The following MARCHF1 variants were observed in gnomAD, a reference collection of about 807,000 sequenced individuals.
MARCHF1 encodes E3 ubiquitin-protein ligase MARCHF1.
MARCHF1 carries 40 observed loss-of-function variants against 54.2 expected under a neutral mutation model. The observed-to-expected ratio is 0.74, with a 90% CI of 0.57 to 0.96. The LOEUF (loss-of-function observed/expected upper bound fraction) is 0.96. Among genes scored for constraint, MARCHF1 ranks in the 40% least tolerant of loss-of-function variants. The pLI, the probability that MARCHF1 is intolerant of heterozygous loss-of-function variation, is 0.00. For missense variants in MARCHF1, 586 were observed against 656.5 expected (o/e 0.89, Z 1.17); for synonymous variants, 236 against 236.3 (o/e 1.00, Z 0.01).
At chr4:163,908,060 T>C (rs1751109913) in intron 3 of MARCHF1, among the ~76,000 whole-genome samples, 1 of 152,176 alleles carries the variant, frequency 6.6e-6, no homozygotes, top group African/African-American at 2.4e-5. Flanking sequence ...GAAGTTGGCA[T>C]GCATATGAGA....
At chr4:163,834,683 A>C (rs566035446) in intron 4 of MARCHF1, among the ~76,000 whole-genome samples, 5 of 144,314 alleles carry the variant, frequency 3.5e-5, no homozygotes, top group Non-Finnish European at 6.0e-5. Flanking sequence ...CATTCTCAGT[A>C]AACTATCGCA....
intron 2 of MARCHF1, among the ~76,000 whole-genome samples, chr4:164,072,471 G>A (rs139952579): frequency 0.012 from 1,871 of 152,172 alleles, 37 homozygotes; most frequent in African/African-American, 0.043. Context: ...TGAGGCGGGA[G>A]GATCACCTGA....
intron 3 of MARCHF1, among the ~76,000 whole-genome samples, chr4:163,950,292 A>G (rs1752108536): frequency 6.6e-6 from 1 of 152,192 alleles, no homozygotes; most frequent in South Asian, 2.1e-4. Context: ...ATCAGTGCCC[A>G]AAGTCCAGAG....
chr4:164,005,193 T>G (rs1159078638), intron 2 of MARCHF1, among the ~76,000 whole-genome samples: 1 of 152,038 alleles, frequency 6.6e-6, no homozygotes, highest in East Asian at 1.9e-4. Flanking sequence ...TCATTAAAAT[T>G]GAAAAATTAG....
intron 2 of MARCHF1, among the ~76,000 whole-genome samples, chr4:164,079,717 TTGTC>T (rs1407132575): frequency 3.3e-5 from 5 of 152,276 alleles, no homozygotes; most frequent in Non-Finnish European, 5.9e-5. Context: ...TTTTATCTAC[TTGTC>T]TATTTCTATT....
chr4:164,288,790 G>A (rs970880929), intron 1 of MARCHF1, among the ~76,000 whole-genome samples: 3 of 151,910 alleles, frequency 2.0e-5, no homozygotes, highest in Non-Finnish European at 2.9e-5. Flanking sequence ...TTTGAAACAC[G>A]GGGAAAAAAA....
chr4:164,071,951 A>T (rs1161826018), intron 2 of MARCHF1, among the ~76,000 whole-genome samples: 1 of 152,210 alleles, frequency 6.6e-6, no homozygotes, highest in Non-Finnish European at 1.5e-5. Flanking sequence ...TAGTGCAGCA[A>T]AAAAGTAGAA....
intron 1 of MARCHF1, among the ~76,000 whole-genome samples, chr4:164,177,516 AT>A (rs11317629): frequency 0.91 from 137,593 of 150,932 alleles, 62,767 homozygotes; most frequent in African/African-American, 0.92. Context: ...CTCAATATAG[AT>A]TTTTTTTTTT....
At chr4:163,569,862 T>TA (rs1739783538) in intron 8 of MARCHF1, among the ~76,000 whole-genome samples, 1 of 152,186 alleles carries the variant, frequency 6.6e-6, no homozygotes. Context: ...ATTACTCTTA[T>TA]AAGGCATTCT....
rs142613856 is a variant in MARCHF1 at position 163,572,739 on chromosome 4, C to T, written c.1191+13010G>A. On this transcript the variant is annotated intron_variant, in intron 8 of 9. Coordinates refer to ENST00000514618, the MANE Select transcript of MARCHF1 (RefSeq NM_001394959.1). ...TGTTTCATGTTTCCATGTGGAGGGACCTCTGTCAGAATAACAAAGCTAGCC... is the reference window on the plus strand; with the variant it reads ...TGTTTCATGTTTCCATGTGGAGGGATCTCTGTCAGAATAACAAAGCTAGCC... 5.3e-3 allele frequency among the ~76,000 whole-genome samples: 811 copies of T among 152,042 alleles called. 3 individuals are homozygous for T. Among genetic ancestry groups the T allele is most frequent in the Non-Finnish European group, 7.9e-3 (538 of 67,976 alleles).
chr4:164,333,062 A>C (rs1333535911), intron 1 of MARCHF1, among the ~76,000 whole-genome samples: 3 of 152,120 alleles, frequency 2.0e-5, no homozygotes, highest in Non-Finnish European at 1.5e-5. Flanking sequence ...ACTTCAATAT[A>C]ATCAGAGACA....
At chr4:163,607,285 G>A (rs959681867) in intron 7 of MARCHF1, among the ~76,000 whole-genome samples, 3 of 152,078 alleles carry the variant, frequency 2.0e-5, no homozygotes, top group African/African-American at 7.2e-5. Flanking sequence ...GAGATGGAAA[G>A]TGTAGAGAAG....
intron 5 of MARCHF1, among the ~76,000 whole-genome samples, chr4:163,624,226 T>C (rs990562158): frequency 1.3e-5 from 2 of 152,090 alleles, no homozygotes; most frequent in Non-Finnish European, 2.9e-5. Context: ...CAACCGAGAA[T>C]GCTCCGTGAA....
At chr4:164,165,637 A>G (rs1156275598) in intron 1 of MARCHF1, among the ~76,000 whole-genome samples, 1 of 152,000 alleles carries the variant, frequency 6.6e-6, no homozygotes, top group Non-Finnish European at 1.5e-5. Flanking sequence ...TGCCTGGTGA[A>G]GGTAGATTAC....
chr4:164,257,578 T>C (rs547626567), intron 1 of MARCHF1, among the ~76,000 whole-genome samples: 4 of 151,900 alleles, frequency 2.6e-5, no homozygotes, highest in Admixed American at 1.3e-4. Context: ...TGATAAAATA[T>C]ATATATATTT....
intron 3 of MARCHF1, among the ~76,000 whole-genome samples, chr4:163,975,550 C>T (rs775220032): frequency 2.6e-5 from 4 of 152,120 alleles, no homozygotes; most frequent in Non-Finnish European, 4.4e-5. Flanking sequence ...GAAAAAATGC[C>T]GCAAGTCAAA....
chr4:163,957,310 C>A (rs879472231), intron 3 of MARCHF1, among the ~76,000 whole-genome samples: 1 of 152,006 alleles, frequency 6.6e-6, no homozygotes, highest in African/African-American at 2.4e-5. Context: ...TTAACCTTAA[C>A]AGTAGTTCTA....
chr4:163,980,468 A>G (rs1339939365), intron 3 of MARCHF1, among the ~76,000 whole-genome samples: 2 of 151,494 alleles, frequency 1.3e-5, no homozygotes, highest in East Asian at 1.9e-4. Context: ...CAAGGACTTC[A>G]TGTCCAAAAC....
intron 3 of MARCHF1, among the ~76,000 whole-genome samples, chr4:163,904,007 C>G (rs563270333): frequency 6.6e-6 from 1 of 152,138 alleles, no homozygotes; most frequent in Admixed American, 6.6e-5. Flanking sequence ...CAAGTTGGTT[C>G]TATTTAAAAT....
Sources: gnomAD v4.1 joint callset for allele counts (sites outside exome capture counted in the v4.1 genomes callset) on GRCh38, gnomAD v4.1.1 for gene constraint, MANE v1.5 for transcripts, NCBI Gene and HGNC (gene_info 2026-07-23, HGNC 2026-07-21) for gene names.